PLEKHH2: variants seen among roughly 807,000 people sequenced by gnomAD.
The protein encoded by PLEKHH2 is pleckstrin homology, MyTH4 and FERM domain containing H2.
PLEKHH2 carries 129 observed loss-of-function variants against 187.9 expected under a neutral mutation model. The observed-to-expected ratio is 0.69, with a 90% CI of 0.59 to 0.79. The LOEUF is 0.79. Ranked by LOEUF, PLEKHH2 falls within the 30% of genes least tolerant of loss-of-function variation. PLEKHH2 has a pLI of 0.00. For missense variants in PLEKHH2, 2,076 were observed against 1,751.2 expected (o/e 1.19, Z -3.31); for synonymous variants, 686 against 605.6 (o/e 1.13, Z -1.95).
At chr2:43,735,358 G>A (rs1671240753) in intron 19 of PLEKHH2, among the ~76,000 whole-genome samples, 1 of 152,096 alleles carries the variant, frequency 6.6e-6, no homozygotes, top group Admixed American at 6.6e-5. Flanking sequence ...ACTCATAGGT[G>A]GGAGCTAAAA....
intron 20 of PLEKHH2, 138 bp downstream of exon 20, chr2:43,738,658 T>C: frequency 1.2e-6 from 1 of 812,884 alleles, no homozygotes. Context: ...TATTTTGATG[T>C]CTACCTTTTT....
intron 6 of PLEKHH2, among the ~76,000 whole-genome samples, chr2:43,695,618 G>C (rs983951336): frequency 1.3e-5 from 2 of 152,134 alleles, no homozygotes; most frequent in African/African-American, 2.4e-5. Flanking sequence ...ATGGATGATG[G>C]GTACCAATCT....
At chr2:43,669,736 C>T (rs1368846631) in intron 2 of PLEKHH2, among the ~76,000 whole-genome samples, 2 of 151,598 alleles carry the variant, frequency 1.3e-5, no homozygotes, top group Non-Finnish European at 2.9e-5. Flanking sequence ...GACGGAGTCT[C>T]ACTCTGTTGG....
Position 43,764,350 on chromosome 2 carries a change from C to A in PLEKHH2, c.4281C>A (p.Ala1427=). ...AACCAACAGAGAAATTACTTTTTGCCATGGCAAAACCCAAGGTGAGTAGAA... is the reference window on the plus strand; with the variant it reads ...AACCAACAGAGAAATTACTTTTTGCAATGGCAAAACCCAAGGTGAGTAGAA... The part of the protein sequence containing the change: ...KDKPTEKLLF[A]MAKPKILEIT... Residue 1427 remains alanine, a synonymous_variant, in exon 29 of 30, where the codon GCC becomes GCA. Coordinates refer to ENST00000282406, the MANE Select transcript of PLEKHH2 (RefSeq NM_172069.4). The A allele has an allele frequency of 6.2e-7, 1 of 1,612,476 alleles. No homozygotes were observed. Among genetic ancestry groups the A allele is most frequent in the African/African-American group, 1.3e-5 (1 of 74,876 alleles).
chr2:43,666,569 A>C (rs1379727355), intron 2 of PLEKHH2, among the ~76,000 whole-genome samples: 1 of 152,218 alleles, frequency 6.6e-6, no homozygotes, highest in African/African-American at 2.4e-5. Flanking sequence ...CATTCCTACC[A>C]GTAATGCTTG....
At chr2:43,749,110 G>A (rs1671905673) in intron 24 of PLEKHH2, among the ~76,000 whole-genome samples, 1 of 152,162 alleles carries the variant, frequency 6.6e-6, no homozygotes, top group Non-Finnish European at 1.5e-5. Context: ...TACCAACTCT[G>A]AGTATGATGG....
intron 2 of PLEKHH2, among the ~76,000 whole-genome samples, chr2:43,670,491 A>G (rs886086512): frequency 1.3e-5 from 2 of 152,332 alleles, no homozygotes; most frequent in South Asian, 2.1e-4. Flanking sequence ...AATTGATTGC[A>G]TATTTTAAAG....
At chr2:43,694,344 G>C in intron 4 of PLEKHH2, 87 bp from the exon 5 acceptor site, 3 of 1,382,342 alleles carry the variant, frequency 2.2e-6, no homozygotes, top group Non-Finnish European at 2.9e-6. Flanking sequence ...CAAGTTTTAA[G>C]TGGATATGCC....
chr2:43,730,032 C>A (rs1217228521), intron 18 of PLEKHH2, among the ~76,000 whole-genome samples: 3 of 152,114 alleles, frequency 2.0e-5, no homozygotes, highest in Admixed American at 2.0e-4. Flanking sequence ...CATAATGAAA[C>A]CCCACCTAGC....
At chr2:43,675,640 C>G (rs747589003) in intron 2 of PLEKHH2, 7 of 1,613,774 alleles carry the variant, frequency 4.3e-6, no homozygotes, top group Non-Finnish European at 3.4e-6. Flanking sequence ...TGCATGAACT[C>G]CTGCATATTT....
chr2:43,676,844 C>T (rs1196350578), intron 2 of PLEKHH2, among the ~76,000 whole-genome samples: 1 of 152,084 alleles, frequency 6.6e-6, no homozygotes. Context: ...TGTAAAACTA[C>T]CCAGAGTTTA....
At chr2:43,679,656 C>T (rs896426663) in intron 3 of PLEKHH2, 1 of 222,888 alleles carries the variant, frequency 4.5e-6, no homozygotes, top group Non-Finnish European at 9.1e-6. Flanking sequence ...CCACCATACC[C>T]GGCTAATTTT....
intron 2 of PLEKHH2, among the ~76,000 whole-genome samples, chr2:43,653,847 G>T (rs928852609): frequency 6.6e-6 from 1 of 152,282 alleles, no homozygotes; most frequent in African/African-American, 2.4e-5. Flanking sequence ...GACAGGAAAG[G>T]AAAAAGTAAA....
rs548036944 is a variant in PLEKHH2, at chr2:43,687,272, C to T, written c.187-5242C>T. On this transcript the variant is annotated intron_variant, in intron 3 of 29. Transcript: ENST00000282406. ...TTAGTTTTCAGTTCCTGCATTAATTCTCTTAGGATAATGACCTCCAGTTGC... is the reference window on the plus strand; with the variant it reads ...TTAGTTTTCAGTTCCTGCATTAATTTTCTTAGGATAATGACCTCCAGTTGC... 3.9e-5 allele frequency among the ~76,000 whole-genome samples: 6 copies of T among 152,260 alleles called. No homozygotes were observed. In the South Asian group the frequency reaches 1.2e-3, roughly 32 times the overall value.
intron 3 of PLEKHH2, chr2:43,681,508 T>G: frequency 6.5e-7 from 1 of 1,537,678 alleles, no homozygotes; most frequent in Non-Finnish European, 8.8e-7. Context: ...ACGTTATCTT[T>G]GTGCAGCTGG....
intron 6 of PLEKHH2, among the ~76,000 whole-genome samples, chr2:43,696,280 C>T (rs1669085087): frequency 6.6e-6 from 1 of 151,992 alleles, no homozygotes; most frequent in Non-Finnish European, 1.5e-5. Context: ...TGAGACCAGC[C>T]TTGGCAATAT....
chr2:43,681,001 T>A, intron 3 of PLEKHH2: 1 of 1,237,126 alleles, frequency 8.1e-7, no homozygotes, highest in South Asian at 1.6e-5. Flanking sequence ...ATATGCCAAC[T>A]GGAAAAGTCA....
intron 2 of PLEKHH2, among the ~76,000 whole-genome samples, chr2:43,666,334 G>A (rs866099232): frequency 6.6e-6 from 1 of 151,022 alleles, no homozygotes; most frequent in Non-Finnish European, 1.5e-5. Flanking sequence ...GCTTCGGCTC[G>A]CGCACGGTGC....
intron 23 of PLEKHH2, chr2:43,744,213 G>C: frequency 1.0e-6 from 1 of 994,814 alleles, no homozygotes. Context: ...GAGAGGAAAG[G>C]TGTTAGTAAT....
Sources: allele counts gnomAD v4.1 joint callset (sites outside exome capture counted in the v4.1 genomes callset), GRCh38; gene constraint gnomAD v4.1.1; transcripts MANE v1.5; gene names NCBI Gene and HGNC (gene_info 2026-07-23, HGNC 2026-07-21).